Variants in MTRR observed in about 807,000 individuals in gnomAD.
MTRR encodes the protein methionine synthase reductase.
In MTRR, 63 loss-of-function variants were observed where a neutral mutation model predicts 79.2. The ratio of observed to expected loss-of-function variants is 0.80; its 90% CI spans 0.65 to 0.98. The LOEUF (loss-of-function observed/expected upper bound fraction) is 0.98. Ranked by LOEUF, MTRR falls within the 50% of genes least tolerant of loss-of-function variation. The pLI is 0.00. For missense variants in MTRR, 895 were observed against 839.6 expected (o/e 1.07, Z -0.82); for synonymous variants, 355 against 313.3 (o/e 1.13, Z -1.41).
chr5:7,882,211 G>A (rs998255613), intron 5 of MTRR, among the ~76,000 whole-genome samples: 4 of 152,194 alleles, frequency 2.6e-5, no homozygotes, highest in Admixed American at 1.3e-4. Flanking sequence ...GAGCTGGTGG[G>A]TCTTCAGAGT....
intron 5 of MTRR, among the ~76,000 whole-genome samples, chr5:7,880,772 A>C (rs1735448894): frequency 6.6e-6 from 1 of 152,130 alleles, no homozygotes; most frequent in African/African-American, 2.4e-5. Context: ...CTGAGTGGCC[A>C]CTGGAGGTCC....
chr5:7,896,471 G>T, intron 12 of MTRR: 1 of 260,972 alleles, frequency 3.8e-6, no homozygotes, highest in South Asian at 5.1e-5. Context: ...TGTCTCATCA[G>T]TGTGTTCACC....
chr5:7,884,683 C>A (rs965521756), intron 6 of MTRR, among the ~76,000 whole-genome samples: 23 of 152,096 alleles, frequency 1.5e-4, no homozygotes, highest in African/African-American at 5.1e-4. Flanking sequence ...ACCCTCCACA[C>A]CCTGCTGGAA....
intron 12 of MTRR, among the ~76,000 whole-genome samples, chr5:7,896,137 C>T (rs889841703): frequency 2.6e-5 from 4 of 152,152 alleles, no homozygotes; most frequent in African/African-American, 7.2e-5. Flanking sequence ...GGCATACCTT[C>T]GTACTGTGAT....
At chr5:7,875,146 CTCCA>C (rs1748659090) in intron 3 of MTRR, 108 bp from the exon 4 acceptor site, 2 of 799,656 alleles carry the variant, frequency 2.5e-6, no homozygotes, top group Non-Finnish European at 4.4e-6. Context: ...TGCATTATTA[CTCCA>C]TCCATAAGAG....
chr5:7,894,129 C>T (rs1738110036), intron 11 of MTRR, among the ~76,000 whole-genome samples: 1 of 152,124 alleles, frequency 6.6e-6, no homozygotes, highest in South Asian at 2.1e-4. Flanking sequence ...TCCTTCCTTC[C>T]CCATTTTAAC....
At chr5:7,887,204 A>G (rs910825553) in intron 8 of MTRR, among the ~76,000 whole-genome samples, 3 of 152,166 alleles carry the variant, frequency 2.0e-5, no homozygotes, top group Non-Finnish European at 2.9e-5. Context: ...AGAAAGCTTC[A>G]GGAAAAATGG....
intron 9 of MTRR, among the ~76,000 whole-genome samples, chr5:7,889,744 G>A (rs564749927): frequency 1.3e-5 from 2 of 152,320 alleles, no homozygotes; most frequent in East Asian, 3.9e-4. Context: ...TGTGCAGAAT[G>A]CAGAAATGCC....
chr5:7,861,567 C>A lies in MTRR; in HGVS notation n.392-384C>A, dbSNP rs539800150. Reference sequence around the variant, plus strand: ...AACGAGTCTTGTAATGTGAAAAACACAACATTTTCCTGTACCTTTTATGGA... The same window carrying A: ...AACGAGTCTTGTAATGTGAAAAACAAAACATTTTCCTGTACCTTTTATGGA... On this transcript the variant is annotated intron_variant and non_coding_transcript_variant, in intron 1 of 3. Transcript: ENST00000502509. 119 of 1,540,716 alleles carry A rather than the reference C, an allele frequency of 7.7e-5. 1 individual carries two copies. In the African/African-American group the frequency reaches 1.1e-3, roughly 14 times the overall value.
At chr5:7,891,814 G>A (rs187144512) in intron 10 of MTRR, among the ~76,000 whole-genome samples, 2,380 of 152,184 alleles carry the variant, frequency 0.016, 32 homozygotes, top group Non-Finnish European at 0.025. Flanking sequence ...AGGCCGAGGC[G>A]GGCGGATCAT....
chr5:7,883,401 G>GGCTTGGTTACATGTGCTGAGTTGTGTGGT, intron 6 of MTRR, 124 bp downstream of exon 6: 1 of 1,265,030 alleles, frequency 7.9e-7, no homozygotes, highest in South Asian at 1.3e-5. Flanking sequence ...AGTTGTGTGC[G>GGCTTGGTTACATGTGCTGAGTTGTGTGGT]GCTTGGTTAC....
chr5:7,873,811 C>T (rs1042040001), intron 3 of MTRR, among the ~76,000 whole-genome samples: 2 of 152,180 alleles, frequency 1.3e-5, no homozygotes, highest in East Asian at 1.9e-4. Context: ...GGCTGGGCCT[C>T]ATCCTAAACC....
chr5:7,855,432 A>AG (rs1746213114), intron 1 of MTRR, among the ~76,000 whole-genome samples: 1 of 148,672 alleles, frequency 6.7e-6, no homozygotes, highest in Non-Finnish European at 1.5e-5. Flanking sequence ...AAAAAAAAAA[A>AG]GAAAAAGTTA....
chr5:7,861,610 G>T, intron 1 of MTRR: 1 of 1,605,020 alleles, frequency 6.2e-7, no homozygotes, highest in South Asian at 1.1e-5. Context: ...ATTAGCTGTG[G>T]ATGGCAATAC....
rs570307938 is a variant in MTRR, at chr5:7,858,040, G to C, written n.392-3911G>C. Among the ~76,000 whole-genome samples, 4 of 152,272 alleles carry C rather than the reference G, an allele frequency of 2.6e-5. No homozygotes were observed. The South Asian group carries it at 6.2e-4, about 24-fold the overall frequency. On this transcript the variant is annotated intron_variant and non_coding_transcript_variant, in intron 1 of 3. Coordinates refer to the MTRR transcript ENST00000502509. ...TGTTTAATTGGTTAAGTCCCTTTCT[G>C]CTCCTTAAACTGAATGCTTTTAACC...
At chr5:7,864,508 A>G (rs1205047139), upstream of MTRR, among the ~76,000 whole-genome samples, 5 of 152,224 alleles carry the variant, frequency 3.3e-5, no homozygotes, top group African/African-American at 1.2e-4. Context: ...GAAAATATGT[A>G]CAACATTCAT....
intron 1 of MTRR, among the ~76,000 whole-genome samples, chr5:7,854,168 A>G (rs905526127): frequency 6.6e-6 from 1 of 151,980 alleles, no homozygotes; most frequent in South Asian, 2.1e-4. Flanking sequence ...TCATGTCTGT[A>G]CTCGTACTCA....
chr5:7,860,935 A>G (rs1746492337), intron 1 of MTRR, among the ~76,000 whole-genome samples: 3 of 152,226 alleles, frequency 2.0e-5, no homozygotes, highest in African/African-American at 7.2e-5. Context: ...CCAGTCAAGT[A>G]GATTCTTTGT....
At chr5:7,884,543 C>T (rs977254145) in intron 6 of MTRR, among the ~76,000 whole-genome samples, 2 of 151,924 alleles carry the variant, frequency 1.3e-5, no homozygotes, top group African/African-American at 4.8e-5. Context: ...AAATATTTTC[C>T]ATTCAGGTTT....
Sources: gnomAD v4.1 joint callset for allele counts (sites outside exome capture counted in the v4.1 genomes callset) on GRCh38, gnomAD v4.1.1 for gene constraint, MANE v1.5 for transcripts, NCBI Gene and HGNC (gene_info 2026-07-23, HGNC 2026-07-21) for gene names.